Variants in GRIA2 observed in about 807,000 individuals in gnomAD.
GRIA2 encodes glutamate ionotropic receptor AMPA type subunit 2.
In GRIA2, 14 loss-of-function variants were observed where a neutral mutation model predicts 97.3. That is an observed-to-expected ratio of 0.14 (90% CI 0.10 to 0.23). The LOEUF (loss-of-function observed/expected upper bound fraction) is 0.23, where lower values mean the gene tolerates loss of function less well. Among genes scored for constraint, GRIA2 ranks in the 10% least tolerant of loss-of-function variants. The pLI, the probability that GRIA2 is intolerant of heterozygous loss-of-function variation, is 1.00. For missense variants in GRIA2, 558 were observed against 1,069.8 expected (o/e 0.52, Z 6.67); for synonymous variants, 412 against 387.8 (o/e 1.06, Z -0.73).
At chr4:157,351,008 T>C (rs2126971755) in intron 12 of GRIA2, among the ~76,000 whole-genome samples, 1 of 151,490 alleles carries the variant, frequency 6.6e-6, no homozygotes, top group East Asian at 1.9e-4. Flanking sequence ...AGTAGTAATA[T>C]CTGCAAATTT....
chr4:157,362,541 T>C (rs1736677027), intron 14 of GRIA2: 1 of 577,884 alleles, frequency 1.7e-6, no homozygotes, highest in Admixed American at 2.2e-5. Flanking sequence ...GCCAGGGAAA[T>C]GTTTAAGAAA....
intron 3 of GRIA2, among the ~76,000 whole-genome samples, chr4:157,308,933 T>C (rs1236643700): frequency 6.6e-6 from 1 of 152,158 alleles, no homozygotes; most frequent in Non-Finnish European, 1.5e-5. Context: ...AATCAGACAA[T>C]ATAAAACTTT....
At chr4:157,346,933 G>T (rs1257596349) in intron 12 of GRIA2, among the ~76,000 whole-genome samples, 1 of 152,094 alleles carries the variant, frequency 6.6e-6, no homozygotes, top group African/African-American at 2.4e-5. Context: ...GAACATCTGA[G>T]AAAGCACTGA....
Position 157,221,773 on chromosome 4 carries a change from G to A in GRIA2, c.195G>A (p.Leu65=). ...GACTGACACCCCACATCGACAATTT[G>A]GAGGTGGCAAACAGCTTCGCAGTCA... ...EFRLTPHIDN[L]EVANSFAVTN... Residue 65 remains leucine (L), a synonymous_variant, in exon 2 of 16, where the codon TTG becomes TTA. Transcript: ENST00000264426. 6.2e-7 allele frequency: 1 copy of A among 1,613,956 alleles called. No homozygotes were observed. The highest frequency in any genetic ancestry group is 1.1e-5 in the South Asian group (1 of 91,084).
intron 2 of GRIA2, among the ~76,000 whole-genome samples, chr4:157,290,553 T>C (rs747411956): frequency 6.6e-6 from 1 of 151,442 alleles, no homozygotes; most frequent in Non-Finnish European, 1.5e-5. Context: ...GTTCATGGAA[T>C]AGAATAGCAA....
At chr4:157,271,839 G>C (rs565741497) in intron 2 of GRIA2, among the ~76,000 whole-genome samples, 5 of 152,182 alleles carry the variant, frequency 3.3e-5, no homozygotes, top group African/African-American at 1.2e-4. Context: ...ACATCACTTT[G>C]AAGTTTCTAA....
Position 157,220,861 on chromosome 4 carries a change from C to T in GRIA2, c.-182C>T. The T allele has an allele frequency of 1.7e-6, 1 of 596,768 alleles. No individual in the cohort carries two copies. The highest frequency in any genetic ancestry group is 2.9e-5 in the Admixed American group (1 of 34,146). 37.0% of individuals were successfully genotyped at this position (596,768 alleles called of 1,614,324 possible). A position where few individuals can be genotyped will look rare whatever the true frequency, so the allele number is the denominator to read the frequency against. On this transcript the variant is annotated 5_prime_UTR_variant, in exon 1 of 16. Transcript: ENST00000264426. ...GGGACAGGGCGCAGGGCATCAGCAG[C>T]CACCAGCAGGACCTGGGAAATAGGG... is the stretch of plus-strand genomic sequence containing the variant.
chr4:157,244,236 G>C (rs940308747), intron 2 of GRIA2, among the ~76,000 whole-genome samples: 17 of 152,052 alleles, frequency 1.1e-4, no homozygotes, highest in Non-Finnish European at 2.2e-4. Context: ...GGAGCAAAAG[G>C]GTGGGCAAAA....
chr4:157,349,199 C>T (rs181035364), intron 12 of GRIA2, among the ~76,000 whole-genome samples: 1 of 152,222 alleles, frequency 6.6e-6, no homozygotes, highest in East Asian at 1.9e-4. Context: ...TAGAAAGTAT[C>T]GTGGTCCTTG....
chr4:157,255,942 A>T (rs965195547), intron 2 of GRIA2, among the ~76,000 whole-genome samples: 6 of 151,538 alleles, frequency 4.0e-5, no homozygotes, highest in African/African-American at 2.4e-5. Flanking sequence ...AATGCAAAAT[A>T]AAACGTCAAT....
intron 2 of GRIA2, among the ~76,000 whole-genome samples, chr4:157,295,601 C>T (rs1733310817): frequency 6.6e-6 from 1 of 152,012 alleles, no homozygotes; most frequent in Admixed American, 6.6e-5. Context: ...TGCTACACTG[C>T]CAGGTCCAGA....
At chr4:157,344,202 A>G (rs528079882) in intron 12 of GRIA2, among the ~76,000 whole-genome samples, 155 of 152,238 alleles carry the variant, frequency 1.0e-3, no homozygotes, top group African/African-American at 3.5e-3. Flanking sequence ...TCCTTAAATC[A>G]TAGGGTCAAC....
At chr4:157,360,263 A>C in intron 13 of GRIA2, 120 bp downstream of exon 13, 1 of 956,382 alleles carries the variant, frequency 1.0e-6, no homozygotes, top group Non-Finnish European at 1.6e-6. Flanking sequence ...CATCACAAAA[A>C]TGACCAAAAA....
chr4:157,291,078 T>A (rs1285867039), intron 2 of GRIA2, among the ~76,000 whole-genome samples: 1 of 151,992 alleles, frequency 6.6e-6, no homozygotes, highest in Non-Finnish European at 1.5e-5. Context: ...TGAAATAACT[T>A]ACGGTGAAGC....
chr4:157,291,328 T>G (rs1281086206), intron 2 of GRIA2, among the ~76,000 whole-genome samples: 4 of 152,038 alleles, frequency 2.6e-5, no homozygotes, highest in Non-Finnish European at 5.9e-5. Context: ...GCTATTTTTT[T>G]ATTTGCCTTG....
rs147349807 is a variant in GRIA2 at position 157,321,579 on chromosome 4, G to A, written c.862G>A (p.Ala288Thr). 6.2e-7 allele frequency: 1 copy of A among 1,610,080 alleles called. No homozygotes were observed. Among genetic ancestry groups the A allele is most frequent in the South Asian group, 1.1e-5 (1 of 90,688 alleles). ...STLEEKEYPGAHTTTIKYTSA... is the reference protein window; with the variant it reads ...STLEEKEYPGTHTTTIKYTSA... ...ACTGGAAGAAAAAGAATACCCTGGA[G>A]CTCACACAACAACAATTAAGGTTTG... The change falls in exon 6 of 16, where the codon GCT (alanine) becomes ACT (threonine). Residue 288 changes from alanine to threonine, a missense_variant. By Grantham distance (58) the Ala-to-Thr change is moderately conservative. This residue lies in a region of GRIA2 where 173 missense variants were observed against 209.1 expected (regional missense o/e 0.83). Coordinates refer to ENST00000264426, the MANE Select transcript of GRIA2 (RefSeq NM_001083619.3).
chr4:157,231,805 A>G (rs1319981813), intron 2 of GRIA2, among the ~76,000 whole-genome samples: 1 of 152,192 alleles, frequency 6.6e-6, no homozygotes, highest in Non-Finnish European at 1.5e-5. Context: ...CTATTTCCTT[A>G]ACACCTAAGT....
intron 5 of GRIA2, among the ~76,000 whole-genome samples, chr4:157,319,727 G>A (rs761479557): frequency 1.9e-4 from 29 of 152,104 alleles, no homozygotes; most frequent in Admixed American, 3.9e-4. Context: ...TTCTATAATA[G>A]GTGTTTATAG....
intron 2 of GRIA2, among the ~76,000 whole-genome samples, chr4:157,263,605 A>G (rs1579314915): frequency 6.6e-6 from 1 of 151,978 alleles, no homozygotes; most frequent in Non-Finnish European, 1.5e-5. Context: ...GCACCACAAC[A>G]GATGGTTAAA....
Sources: allele counts gnomAD v4.1 joint callset (sites outside exome capture counted in the v4.1 genomes callset), GRCh38; gene constraint gnomAD v4.1.1; regional missense constraint gnomAD v4.1.1; transcripts MANE v1.5; gene names NCBI Gene and HGNC (gene_info 2026-07-23, HGNC 2026-07-21).